The following FRY variants were observed in gnomAD, a reference collection of about 807,000 sequenced individuals.
The protein encoded by FRY is FRY microtubule binding protein.
Under a neutral mutation model 348.4 loss-of-function variants are expected in FRY, and 128 were observed. The observed-to-expected ratio is 0.37, with a 90% CI of 0.32 to 0.43. FRY has a LOEUF of 0.43. Among genes scored for constraint, FRY ranks in the 20% least tolerant of loss-of-function variants. The pLI, the probability that FRY is intolerant of heterozygous loss-of-function variation, is 1.00. For synonymous variants in FRY, 1,370 were observed against 1,374.7 expected (o/e 1.00, Z 0.08); for missense variants, 2,736 against 3,695.2 (o/e 0.74, Z 6.73).
At chr13:32,162,211 TA>T (rs1238795019) in intron 17 of FRY, among the ~76,000 whole-genome samples, 2 of 152,348 alleles carry the variant, frequency 1.3e-5, no homozygotes, top group Non-Finnish European at 2.9e-5. Flanking sequence ...AATGTCAATT[TA>T]GGCTCTATAA....
rs543680542 is a variant in FRY at position 32,231,180 on chromosome 13, G to A, written c.5407G>A (p.Ala1803Thr). 6.9e-5 allele frequency: 112 copies of A among 1,613,264 alleles called. No homozygotes were observed. The highest frequency in any genetic ancestry group is 1.1e-4 in the African/African-American group (8 of 74,864). Residue 1803 changes from alanine (A) to threonine (T), a missense_variant and splice_region_variant, in exon 41 of 61, where the codon GCA (alanine) becomes ACA (threonine). Coordinates refer to ENST00000542859, the MANE Select transcript of FRY (RefSeq NM_023037.3). ...GACATTTTGTGTGTTTTGTTTAAGG[G>A]CATTTGGTCCACTTTGGTGCCATGA... ...NKLIEFLTTR[A>T]FGPLWCHEDI...
chr13:32,166,136 G>C (rs771496992), intron 17 of FRY, among the ~76,000 whole-genome samples: 2 of 152,212 alleles, frequency 1.3e-5, no homozygotes, highest in Non-Finnish European at 1.5e-5. Flanking sequence ...GGCAACACTG[G>C]TTTCTTTTAT....
At chr13:32,201,910 CT>C in intron 29 of FRY, 30 bp from the exon 30 acceptor site, 4 of 1,191,220 alleles carry the variant, frequency 3.4e-6, no homozygotes, top group South Asian at 1.2e-5. Flanking sequence ...ATAAACCATG[CT>C]TTTTTTGTTT....
intron 29 of FRY, among the ~76,000 whole-genome samples, chr13:32,200,516 G>A (rs555354458): frequency 1.9e-3 from 283 of 152,260 alleles, no homozygotes; most frequent in Non-Finnish European, 3.3e-3. Context: ...GAGCCCAGGA[G>A]GTGAAGACAG....
chr13:32,120,214 A>C (rs1304616234), intron 4 of FRY, among the ~76,000 whole-genome samples: 2 of 152,148 alleles, frequency 1.3e-5, no homozygotes. Flanking sequence ...TTATGTAAGT[A>C]CTATTATTCA....
intron 59 of FRY, among the ~76,000 whole-genome samples, chr13:32,290,032 C>T (rs1290236251): frequency 6.6e-6 from 1 of 152,152 alleles, no homozygotes; most frequent in Non-Finnish European, 1.5e-5. Context: ...CTCCCTGATC[C>T]TGGCCCTGGG....
chr13:32,153,571 A>G (rs959356634), intron 14 of FRY, among the ~76,000 whole-genome samples: 7 of 152,304 alleles, frequency 4.6e-5, no homozygotes, highest in Admixed American at 3.9e-4. Flanking sequence ...CTTTCTGGAC[A>G]TGGTGGAAAT....
At chr13:32,176,791 A>G (rs1427866401) in intron 20 of FRY, among the ~76,000 whole-genome samples, 1 of 152,236 alleles carries the variant, frequency 6.6e-6, no homozygotes. Context: ...ACGGGGAGAG[A>G]GTAATGGGAG....
intron 3 of FRY, among the ~76,000 whole-genome samples, chr13:32,107,551 A>T (rs1877636710): frequency 6.6e-6 from 1 of 152,148 alleles, no homozygotes; most frequent in African/African-American, 2.4e-5. Flanking sequence ...TTCCATTGTT[A>T]TACAGCACCT....
In FRY at chr13:32,249,595, A is replaced by G; in HGVS notation, c.7078A>G (p.Met2360Val). The G allele has an allele frequency of 1.9e-6, 3 of 1,614,180 alleles. No homozygotes were observed. Among genetic ancestry groups the G allele is most frequent in the African/African-American group, 1.3e-5 (1 of 75,054 alleles). Residue 2360 changes from methionine to valine, a missense_variant, in exon 49 of 61, where the codon ATG becomes GTG. Physicochemically the swap from Met to Val is conservative, Grantham distance 21 (BLOSUM62 1). Transcript: ENST00000542859. ...TGGGCGTGATGGGAAGCCCAGGGCC[A>G]TGGCCGTCACCCGGAGCACATCTTC... ...SSGRDGKPRA[M>V]AVTRSTSSTS...
At chr13:32,131,919 A>G in intron 8 of FRY, 79 bp downstream of exon 8, 1 of 1,101,020 alleles carries the variant, frequency 9.1e-7, no homozygotes, top group South Asian at 1.2e-5. Context: ...CTGGAACATG[A>G]AAAGCCAATT....
chr13:32,209,695 C>A lies in FRY; in HGVS notation c.4386C>A (p.Leu1462=). The A allele has an allele frequency of 1.2e-6, 2 of 1,614,176 alleles. No individual in the cohort carries two copies. The highest frequency in any genetic ancestry group is 2.2e-5 in the South Asian group (2 of 91,086). ...LRITLQFLIS[L]CGVSSDTVLL... is the part of the protein sequence containing the mutation. Reference sequence around the variant, plus strand: ...TCACCTTGCAGTTCCTGATTAGCCTCTGTGGGGTCAGCAGCGACACAGTTC... The same window carrying A: ...TCACCTTGCAGTTCCTGATTAGCCTATGTGGGGTCAGCAGCGACACAGTTC... Residue 1462 remains leucine (L), a synonymous_variant, in exon 33 of 61, where the codon CTC becomes CTA. Coordinates refer to ENST00000542859, the MANE Select transcript of FRY (RefSeq NM_023037.3).
intron 1 of FRY, among the ~76,000 whole-genome samples, chr13:32,071,241 C>G (rs1480597996): frequency 6.6e-6 from 1 of 152,082 alleles, no homozygotes; most frequent in African/African-American, 2.4e-5. Flanking sequence ...TTTTCCAATT[C>G]TGTGAGGAAA....
intron 51 of FRY, among the ~76,000 whole-genome samples, chr13:32,256,887 T>G (rs1298180966): frequency 3.9e-5 from 6 of 152,222 alleles, no homozygotes. Context: ...TTTTGAACAC[T>G]AACATGACAT....
intron 21 of FRY, 94 bp downstream of exon 21, chr13:32,178,530 C>T (rs1882505240): frequency 3.0e-6 from 4 of 1,350,866 alleles, no homozygotes; most frequent in Non-Finnish European, 4.1e-6. Context: ...GTTATCATCC[C>T]AATTTCTGAA....
chr13:32,276,568 CT>C lies in FRY; in HGVS notation c.8385+10del. ...GGAAAGAGGCCACACTCTCTGTAAGCTTTTGTGTTTCTATGCATATGCAGTC... is the reference window on the plus strand; with the variant it reads ...GGAAAGAGGCCACACTCTCTGTAAGCTTTGTGTTTCTATGCATATGCAGTC... On this transcript the variant is annotated splice_region_variant and intron_variant, in intron 57 of 60. Transcript: ENST00000542859. 1.3e-6 allele frequency: 2 copies of C among 1,484,918 alleles called. No homozygotes were observed. The highest frequency in any genetic ancestry group is 1.1e-5 in the South Asian group (1 of 88,444). The allele number at this position is 1,484,918 out of a possible 1,614,324, so 92.0% of individuals were successfully genotyped here. A position where few individuals can be genotyped will look rare whatever the true frequency, so the allele number is the denominator to read the frequency against.
At chr13:32,056,188 T>TAAA (rs1252421652) in intron 1 of FRY, among the ~76,000 whole-genome samples, 7 of 119,764 alleles carry the variant, frequency 5.8e-5, no homozygotes, top group East Asian at 2.4e-4. Flanking sequence ...AGACTCCATC[T>TAAA]AAAAAAAAAA....
intron 4 of FRY, among the ~76,000 whole-genome samples, chr13:32,118,023 G>C (rs912521796): frequency 6.8e-4 from 103 of 152,136 alleles, no homozygotes; most frequent in African/African-American, 2.4e-3. Flanking sequence ...CCTTCCAGCT[G>C]AGTATTTTGT....
At chr13:32,240,433 T>C (rs1886441365) in intron 46 of FRY, among the ~76,000 whole-genome samples, 1 of 152,230 alleles carries the variant, frequency 6.6e-6, no homozygotes, top group Non-Finnish European at 1.5e-5. Context: ...TTAATGGTTG[T>C]TTGATCTAAT....
Sources: allele counts gnomAD v4.1 joint callset (sites outside exome capture counted in the v4.1 genomes callset), GRCh38; gene constraint gnomAD v4.1.1; transcripts MANE v1.5; gene names NCBI Gene and HGNC (gene_info 2026-07-23, HGNC 2026-07-21).